SPATS2: variants seen among roughly 807,000 people sequenced by gnomAD.
The protein encoded by SPATS2 is spermatogenesis associated serine rich 2, also known as spermatogenesis-associated serine-rich protein 2.
In SPATS2, 38 loss-of-function variants were observed where a neutral mutation model predicts 63.7. The observed-to-expected ratio is 0.60, with a 90% CI of 0.46 to 0.78. SPATS2 has a LOEUF of 0.78. Among genes scored for constraint, SPATS2 ranks in the 30% least tolerant of loss-of-function variants. The pLI is 0.00. For synonymous variants in SPATS2, 207 were observed against 232.9 expected (o/e 0.89, Z 1.01); for missense variants, 588 against 666.2 (o/e 0.88, Z 1.29).
chr12:49,425,701 C>A (rs777040376), intron 2 of SPATS2, among the ~76,000 whole-genome samples: 19 of 152,144 alleles, frequency 1.2e-4, no homozygotes, highest in Non-Finnish European at 2.5e-4. Context: ...ACGATCTCAG[C>A]TCACTGCATC....
chr12:49,397,833 T>TAAAAAAAA (rs989085737), intron 2 of SPATS2, among the ~76,000 whole-genome samples: 1 of 82,336 alleles, frequency 1.2e-5, no homozygotes, highest in Non-Finnish European at 2.3e-5. Context: ...CTTAGCTCTT[T>TAAAAAAAA]AAAAAAAAAA....
intron 6 of SPATS2, among the ~76,000 whole-genome samples, chr12:49,492,283 G>A (rs1400356124): frequency 3.3e-5 from 5 of 150,940 alleles, no homozygotes; most frequent in African/African-American, 9.8e-5. Flanking sequence ...GCCGTGGCGC[G>A]ATCTCGGCTC....
intron 2 of SPATS2, among the ~76,000 whole-genome samples, chr12:49,453,203 G>A (rs1351429035): frequency 1.3e-5 from 2 of 151,308 alleles, no homozygotes; most frequent in Non-Finnish European, 2.9e-5. Flanking sequence ...TTTGCGAAGT[G>A]TAGCATTTGG....
intron 2 of SPATS2, among the ~76,000 whole-genome samples, chr12:49,411,055 A>G (rs1341373059): frequency 6.6e-6 from 1 of 151,968 alleles, no homozygotes; most frequent in Non-Finnish European, 1.5e-5. Flanking sequence ...CCTGTGGGCA[A>G]GCGAAAACCT....
At chr12:49,479,197 G>A (rs565192285) in intron 3 of SPATS2, among the ~76,000 whole-genome samples, 5 of 152,210 alleles carry the variant, frequency 3.3e-5, no homozygotes, top group South Asian at 2.1e-4. Context: ...GGCCATGGGC[G>A]GGCCTGGAAA....
rs1439411221 is a variant in SPATS2, at chr12:49,509,826, A to G, written c.840-4729A>G. Reference sequence around the variant, plus strand: ...AGCAAGTCTCAAAAAAAAAAAAAAAAGGGAAGGAAAAAAACTATTGGCAAT... The same window carrying G: ...AGCAAGTCTCAAAAAAAAAAAAAAAGGGGAAGGAAAAAAACTATTGGCAAT... On this transcript the variant is annotated intron_variant, in intron 9 of 13. Coordinates refer to ENST00000552918, the MANE Select transcript of SPATS2 (RefSeq NM_023071.4). Among the ~76,000 whole-genome samples, 497 of 150,638 alleles carry G rather than the reference A, an allele frequency of 3.3e-3. 13 individuals are homozygous for G. Among genetic ancestry groups the G allele is most frequent in the Admixed American group, 0.032 (478 of 15,122 alleles).
At chr12:49,445,845 A>C (rs1019250548) in intron 2 of SPATS2, among the ~76,000 whole-genome samples, 35 of 151,628 alleles carry the variant, frequency 2.3e-4, no homozygotes, top group African/African-American at 8.2e-4. Flanking sequence ...ATATTTTGTT[A>C]ATGATGTATT....
intron 2 of SPATS2, among the ~76,000 whole-genome samples, chr12:49,389,188 A>C (rs1166456734): frequency 6.6e-6 from 1 of 152,202 alleles, no homozygotes; most frequent in Admixed American, 6.5e-5. Flanking sequence ...GACCCCGCCC[A>C]GCCTTCTCAC....
At chr12:49,374,184 G>A (rs1239953322) in intron 2 of SPATS2, among the ~76,000 whole-genome samples, 3 of 151,998 alleles carry the variant, frequency 2.0e-5, no homozygotes, top group Non-Finnish European at 4.4e-5. Context: ...AGGCTGGAGT[G>A]CAGTGGTGCC....
At chr12:49,444,634 G>A (rs981280358) in intron 2 of SPATS2, among the ~76,000 whole-genome samples, 7 of 151,822 alleles carry the variant, frequency 4.6e-5, no homozygotes, top group Admixed American at 6.6e-5. Flanking sequence ...ATGGAGTTTC[G>A]CTCTAGTTGT....
At chr12:49,438,207 A>G (rs746940368) in intron 2 of SPATS2, among the ~76,000 whole-genome samples, 1 of 152,152 alleles carries the variant, frequency 6.6e-6, no homozygotes, top group Non-Finnish European at 1.5e-5. Context: ...ACAGAATCCT[A>G]TAGTATGTAC....
chr12:49,399,735 A>G (rs1254981397), intron 2 of SPATS2, among the ~76,000 whole-genome samples: 1 of 152,162 alleles, frequency 6.6e-6, no homozygotes, highest in Admixed American at 6.6e-5. Context: ...GTTTTCAGAG[A>G]TGTTAAAATA....
intron 4 of SPATS2, 44 bp from the exon 5 acceptor site, chr12:49,489,421 G>T (rs4993294): frequency 0.024 from 35,751 of 1,519,424 alleles, 1,026 homozygotes; most frequent in African/African-American, 0.12. Context: ...GCTGCCTAGT[G>T]ACCTACTAAT....
At chr12:49,455,500 C>T (rs1365734953) in intron 2 of SPATS2, among the ~76,000 whole-genome samples, 3 of 151,902 alleles carry the variant, frequency 2.0e-5, no homozygotes, top group African/African-American at 7.3e-5. Flanking sequence ...CTCAGCTTCC[C>T]GGGCTCAAGC....
chr12:49,394,339 C>CAAAAA (rs35693643), intron 2 of SPATS2, among the ~76,000 whole-genome samples: 1 of 82,024 alleles, frequency 1.2e-5, no homozygotes, highest in Admixed American at 1.4e-4. Context: ...ACCTTGTCTC[C>CAAAAA]AAAAAAAAAA....
intron 3 of SPATS2, among the ~76,000 whole-genome samples, chr12:49,466,255 C>G (rs916664361): frequency 3.3e-5 from 5 of 151,992 alleles, no homozygotes; most frequent in Admixed American, 2.0e-4. Flanking sequence ...CCTCCGCCTC[C>G]CAGGTTCAAG....
chr12:49,498,734 A>T (rs1369555249), intron 8 of SPATS2, among the ~76,000 whole-genome samples: 1 of 145,776 alleles, frequency 6.9e-6, no homozygotes, highest in Non-Finnish European at 1.5e-5. Context: ...GATATCTTCC[A>T]TATCTCTTCT....
intron 2 of SPATS2, among the ~76,000 whole-genome samples, chr12:49,405,033 A>C (rs1394081706): frequency 6.6e-6 from 1 of 150,842 alleles, no homozygotes; most frequent in Non-Finnish European, 1.5e-5. Context: ...GCAGCAGCAG[A>C]TTTGAGTGGT....
intron 9 of SPATS2, among the ~76,000 whole-genome samples, chr12:49,509,906 G>A (rs1221536315): frequency 1.3e-5 from 2 of 151,782 alleles, no homozygotes; most frequent in Non-Finnish European, 2.9e-5. Context: ...AAGAAAAAAA[G>A]GCGTCTGCAT....
Sources: gnomAD v4.1 joint callset for allele counts (sites outside exome capture counted in the v4.1 genomes callset) on GRCh38, gnomAD v4.1.1 for gene constraint, MANE v1.5 for transcripts, NCBI Gene and HGNC (gene_info 2026-07-23, HGNC 2026-07-21) for gene names.